The following GABRG3 variants were observed in gnomAD, a reference collection of about 807,000 sequenced individuals.
GABRG3 encodes the protein gamma-aminobutyric acid type A receptor subunit gamma3, also known as gamma-aminobutyric acid receptor subunit gamma-3.
Under a neutral mutation model 48.8 loss-of-function variants are expected in GABRG3, and 25 were observed. The observed-to-expected ratio is 0.51, with a 90% CI of 0.37 to 0.72. The LOEUF (loss-of-function observed/expected upper bound fraction) is 0.72. Ranked by LOEUF, GABRG3 falls within the 30% of genes least tolerant of loss-of-function variation. The pLI, the probability that GABRG3 is intolerant of heterozygous loss-of-function variation, is 0.00. For missense variants in GABRG3, 394 were observed against 577.9 expected (o/e 0.68, Z 3.26); for synonymous variants, 227 against 217.6 (o/e 1.04, Z -0.38).
intron 3 of GABRG3, chr15:27,158,323 A>G (rs1898487811): frequency 6.6e-6 from 1 of 152,174 alleles, no homozygotes. Context: ...GACAGCATCC[A>G]TGGTGGGGGT....
intron 5 of GABRG3, among the ~76,000 whole-genome samples, chr15:27,408,322 A>G (rs1410309090): frequency 6.6e-6 from 1 of 152,188 alleles, no homozygotes; most frequent in Non-Finnish European, 1.5e-5. Flanking sequence ...AGATGTATTG[A>G]ATATTAGTGA....
intron 5 of GABRG3, among the ~76,000 whole-genome samples, chr15:27,403,916 A>AAC: frequency 1.0e-5 from 1 of 96,544 alleles, no homozygotes; most frequent in African/African-American, 6.0e-5. Flanking sequence ...AAAAAAAACA[A>AAC]AAAAAAAAAA....
intron 6 of GABRG3, among the ~76,000 whole-genome samples, chr15:27,484,386 T>A (rs1364859782): frequency 6.6e-6 from 1 of 152,166 alleles, no homozygotes; most frequent in African/African-American, 2.4e-5. Context: ...CAAGGAAGTG[T>A]ACCTTGGAAT....
intron 3 of GABRG3, chr15:27,208,108 T>A (rs1888921254): frequency 5.6e-6 from 1 of 179,478 alleles, no homozygotes; most frequent in Non-Finnish European, 1.2e-5. Context: ...CTTCCCCTCC[T>A]TGGCTAGTTT....
chr15:27,183,175 T>C (rs1180889696), intron 3 of GABRG3, among the ~76,000 whole-genome samples: 2 of 152,146 alleles, frequency 1.3e-5, no homozygotes, highest in South Asian at 2.1e-4. Flanking sequence ...GGTTAGTGTG[T>C]GACAAACATG....
chr15:27,461,492 T>G (rs1428224603), intron 5 of GABRG3, among the ~76,000 whole-genome samples: 3 of 151,788 alleles, frequency 2.0e-5, no homozygotes, highest in African/African-American at 7.3e-5. Flanking sequence ...ACCCAAAGAG[T>G]GAACAGCAGC....
At chr15:27,154,684 G>A (rs759200888) in intron 3 of GABRG3, among the ~76,000 whole-genome samples, 14 of 152,216 alleles carry the variant, frequency 9.2e-5, no homozygotes, top group African/African-American at 1.7e-4. Context: ...AATAAACCCC[G>A]TGTGGTCATT....
intron 3 of GABRG3, among the ~76,000 whole-genome samples, chr15:27,306,825 C>CATACAATATAAACATGTTTATATATAAAA (rs1566769142): frequency 1.3e-5 from 1 of 77,384 alleles, no homozygotes; most frequent in African/African-American, 6.9e-5. Context: ...TATATATAAA[C>CATACAATATAAACATGTTTATATATAAAA]ATACAATATA....
At chr15:27,484,083 TG>T (rs1054119208) in intron 6 of GABRG3, among the ~76,000 whole-genome samples, 79 of 152,236 alleles carry the variant, frequency 5.2e-4, no homozygotes, top group African/African-American at 1.8e-3. Context: ...TACAGGCTCC[TG>T]CCACCACGCC....
intron 2 of GABRG3, among the ~76,000 whole-genome samples, chr15:26,986,485 C>T (rs1284210443): frequency 6.6e-6 from 1 of 152,222 alleles, no homozygotes; most frequent in East Asian, 1.9e-4. Flanking sequence ...TCTTCCTCAC[C>T]ACTTTGGGCA....
At chr15:27,377,520 C>A (rs1168716089) in intron 5 of GABRG3, among the ~76,000 whole-genome samples, 1 of 152,194 alleles carries the variant, frequency 6.6e-6, no homozygotes, top group Non-Finnish European at 1.5e-5. Flanking sequence ...AAAGGCATGT[C>A]TCTTGTGGTG....
intron 2 of GABRG3, among the ~76,000 whole-genome samples, chr15:27,001,957 G>A (rs1895457480): frequency 6.8e-6 from 1 of 146,746 alleles, no homozygotes; most frequent in Non-Finnish European, 1.5e-5. Flanking sequence ...GTATTATGAT[G>A]TAGATGAAGA....
chr15:27,468,752 A>G (rs902931134), intron 5 of GABRG3, among the ~76,000 whole-genome samples: 2 of 152,220 alleles, frequency 1.3e-5, no homozygotes, highest in Admixed American at 1.3e-4. Flanking sequence ...CAATTTGGAT[A>G]TGCCAAAGAG....
chr15:27,333,986 T>C (rs1893884644), intron 5 of GABRG3, among the ~76,000 whole-genome samples: 1 of 152,246 alleles, frequency 6.6e-6, no homozygotes, highest in African/African-American at 2.4e-5. Context: ...GGTTTTCTTT[T>C]GATTAAATGT....
intron 9 of GABRG3, chr15:27,530,573 G>T (rs564684338): frequency 4.3e-6 from 2 of 464,048 alleles, no homozygotes; most frequent in South Asian, 1.6e-5. Context: ...GTGTTTTTTG[G>T]CTCCCTAAAT....
intron 2 of GABRG3, among the ~76,000 whole-genome samples, chr15:26,995,584 G>A (rs1895326150): frequency 6.8e-6 from 1 of 146,728 alleles, no homozygotes; most frequent in Admixed American, 6.8e-5. Context: ...AGAAGATTTT[G>A]GTTTAATGAT....
chr15:27,478,460 G>A (rs946249012), intron 5 of GABRG3, among the ~76,000 whole-genome samples: 10 of 152,154 alleles, frequency 6.6e-5, no homozygotes, highest in African/African-American at 2.4e-4. Flanking sequence ...GATATGCCAC[G>A]TCACACCTGC....
At chr15:27,515,145 A>G (rs1357065220) in intron 6 of GABRG3, among the ~76,000 whole-genome samples, 2 of 151,952 alleles carry the variant, frequency 1.3e-5, no homozygotes, top group African/African-American at 4.8e-5. Context: ...ATGCAGTGGC[A>G]TTCCGAGATA....
intron 3 of GABRG3, among the ~76,000 whole-genome samples, chr15:27,059,807 A>G (rs1162403391): frequency 6.6e-6 from 1 of 152,208 alleles, no homozygotes; most frequent in African/African-American, 2.4e-5. Flanking sequence ...ACTAGGTGGC[A>G]CCACGGAGAA....
Sources: allele counts gnomAD v4.1 joint callset (sites outside exome capture counted in the v4.1 genomes callset), GRCh38; gene constraint gnomAD v4.1.1; transcripts MANE v1.5; gene names NCBI Gene and HGNC (gene_info 2026-07-23, HGNC 2026-07-21).